The following NPAS2 variants were observed in gnomAD, a reference collection of about 807,000 sequenced individuals.
The protein encoded by NPAS2 is neuronal PAS domain protein 2, also known as neuronal PAS domain-containing protein 2.
A neutral mutation model predicts 107.5 loss-of-function variants in NPAS2; 23 were observed. The ratio of observed to expected loss-of-function variants is 0.21; its 90% CI spans 0.15 to 0.30. The LOEUF (loss-of-function observed/expected upper bound fraction) is 0.30. NPAS2 is among the 10% of genes least tolerant of loss of function. The pLI is 1.00. For missense variants in NPAS2, 756 were observed against 1,043.3 expected (o/e 0.72, Z 3.79); for synonymous variants, 403 against 417.5 (o/e 0.97, Z 0.42).
At chr2:100,896,010 A>G (rs1681390497) in intron 1 of NPAS2, among the ~76,000 whole-genome samples, 1 of 152,184 alleles carries the variant, frequency 6.6e-6, no homozygotes, top group South Asian at 2.1e-4. Context: ...CACCTCCCTT[A>G]GCAGGGGCTC....
chr2:100,892,066 A>T (rs1681106274), intron 1 of NPAS2, among the ~76,000 whole-genome samples: 1 of 152,136 alleles, frequency 6.6e-6, no homozygotes, highest in African/African-American at 2.4e-5. Flanking sequence ...ACTGTCACCC[A>T]TCAGAGTCCC....
chr2:100,871,785 A>G (rs1272684185), intron 1 of NPAS2, among the ~76,000 whole-genome samples: 1 of 151,982 alleles, frequency 6.6e-6, no homozygotes, highest in East Asian at 1.9e-4. Flanking sequence ...CCTTTGAAAC[A>G]CTAGAAATTC....
chr2:100,936,854 T>C (rs571141451), intron 4 of NPAS2, among the ~76,000 whole-genome samples: 49 of 151,940 alleles, frequency 3.2e-4, no homozygotes, highest in African/African-American at 9.6e-4. Flanking sequence ...TGGTGGCATG[T>C]GCCTGTAATC....
At position 100,968,290 on chromosome 2, in the gene NPAS2, T is replaced by C; in HGVS notation, c.917T>C (p.Phe306Ser). 1 of 1,614,148 alleles carries C rather than the reference T, an allele frequency of 6.2e-7. No homozygotes were observed. The highest frequency in any genetic ancestry group is 8.5e-7 in the Non-Finnish European group (1 of 1,180,004). The part of the protein sequence containing the change: ...LARCHQHLMQ[F>S]GKGKSCCYRF... ...CATTTTCTACCGACAGTGATGCAGT[T>C]TGGCAAAGGGAAGTCGTGTTGCTAC... Residue 306 changes from phenylalanine (F) to serine (S), a missense_variant, in exon 11 of 21, where the codon TTT (phenylalanine) becomes TCT (serine). Phe to Ser is a radical substitution (Grantham distance 155). Coordinates refer to ENST00000335681, the MANE Select transcript of NPAS2 (RefSeq NM_002518.4). The surrounding 1 kb of genome is among the most constrained non-coding windows in gnomAD (Gnocchi z 5.3).
chr2:100,971,111 T>C, intron 12 of NPAS2, 37 bp downstream of exon 12: 1 of 1,596,226 alleles, frequency 6.3e-7, no homozygotes, highest in Non-Finnish European at 8.6e-7. Flanking sequence ...CGGCAAAGGT[T>C]GGCTAGGAAG....
At chr2:100,860,870 TTTG>T (rs760685802) in intron 1 of NPAS2, among the ~76,000 whole-genome samples, 32 of 151,952 alleles carry the variant, frequency 2.1e-4, no homozygotes, top group Admixed American at 1.7e-3. Flanking sequence ...TTTTTTATTG[TTTG>T]TTGTTGTTGT....
chr2:100,850,098 A>G (rs769739886), intron 1 of NPAS2, among the ~76,000 whole-genome samples: 7 of 151,996 alleles, frequency 4.6e-5, no homozygotes, highest in South Asian at 2.1e-4. Context: ...CTAAGATTCA[A>G]TGAAATCACT....
At chr2:100,893,147 G>A (rs893086394) in intron 1 of NPAS2, among the ~76,000 whole-genome samples, 6 of 152,248 alleles carry the variant, frequency 3.9e-5, no homozygotes, top group East Asian at 3.9e-4. Context: ...AGTGAGCGTC[G>A]CAGTTCATCA....
intron 1 of NPAS2, among the ~76,000 whole-genome samples, chr2:100,862,456 G>A (rs577201376): frequency 6.6e-5 from 10 of 152,206 alleles, no homozygotes; most frequent in African/African-American, 1.4e-4. Flanking sequence ...TCATTGCCTC[G>A]TAGCTTAATT....
At chr2:100,875,716 TG>T (rs1189452322) in intron 1 of NPAS2, among the ~76,000 whole-genome samples, 2 of 152,260 alleles carry the variant, frequency 1.3e-5, no homozygotes, top group East Asian at 3.8e-4. Context: ...TTCTGGAATT[TG>T]CCAGCCTGCT....
chr2:100,854,228 G>A (rs188013205), intron 1 of NPAS2, among the ~76,000 whole-genome samples: 25 of 151,510 alleles, frequency 1.7e-4, no homozygotes, highest in African/African-American at 5.6e-4. Flanking sequence ...TCTCTGTGGC[G>A]TGGCATGTAG....
intron 5 of NPAS2, among the ~76,000 whole-genome samples, chr2:100,946,012 G>A (rs1674871351): frequency 6.6e-6 from 1 of 152,232 alleles, no homozygotes; most frequent in Non-Finnish European, 1.5e-5. Flanking sequence ...TGAAGCTCCT[G>A]TTGGAGAGAG....
chr2:100,969,019 T>C (rs889985115), intron 11 of NPAS2, among the ~76,000 whole-genome samples: 4 of 152,080 alleles, frequency 2.6e-5, no homozygotes, highest in Non-Finnish European at 5.9e-5. Flanking sequence ...GTTTCATAGA[T>C]GCTGCCTTTG....
upstream of NPAS2, chr2:100,820,098 G>GGGAGGAGGCAGA (rs1361213005): frequency 2.6e-5 from 4 of 151,344 alleles, no homozygotes; most frequent in Non-Finnish European, 5.9e-5. The surrounding 1 kb of genome is among the most constrained non-coding windows in gnomAD (Gnocchi z 5.6). Flanking sequence ...GAGGAGGCAG[G>GGGAGGAGGCAGA]GGAGGAGGCA....
intron 1 of NPAS2, among the ~76,000 whole-genome samples, chr2:100,854,450 C>G (rs1185438746): frequency 1.3e-5 from 2 of 152,164 alleles, no homozygotes; most frequent in African/African-American, 4.8e-5. Flanking sequence ...CTTTTCATGA[C>G]CCCATCCTGA....
At chr2:100,924,488 G>T (rs1183178959) in intron 2 of NPAS2, among the ~76,000 whole-genome samples, 2 of 152,236 alleles carry the variant, frequency 1.3e-5, no homozygotes, top group Non-Finnish European at 2.9e-5. Context: ...AGCTTTTTCA[G>T]ACTGGCTTCT....
intron 7 of NPAS2, among the ~76,000 whole-genome samples, chr2:100,958,551 G>A (rs181188933): frequency 7.4e-4 from 112 of 152,252 alleles, no homozygotes; most frequent in African/African-American, 2.4e-3. Context: ...CAGAGAGATC[G>A]CAGGGGAGTT....
At chr2:100,821,291 C>T (rs1676052980) in intron 1 of NPAS2, 2 of 1,099,214 alleles carry the variant, frequency 1.8e-6, no homozygotes, top group Non-Finnish European at 1.2e-6. Flanking sequence ...TATACGCACG[C>T]ACTTCCACAA....
chr2:100,836,651 A>G (rs1677089129), intron 1 of NPAS2, among the ~76,000 whole-genome samples: 1 of 152,086 alleles, frequency 6.6e-6, no homozygotes, highest in Non-Finnish European at 1.5e-5. Context: ...GGCTCTACCG[A>G]GTGAATGCCC....
Sources: gnomAD v4.1 joint callset for allele counts (sites outside exome capture counted in the v4.1 genomes callset) on GRCh38, gnomAD v4.1.1 for gene constraint, Gnocchi (gnomAD v3.1) non-coding constraint, MANE v1.5 for transcripts, NCBI Gene and HGNC (gene_info 2026-07-23, HGNC 2026-07-21) for gene names.